Variants in IFNGR2 observed in about 807,000 individuals in gnomAD.
IFNGR2 encodes the protein interferon gamma receptor 2, also known as IFN-gamma receptor 2.
Under a neutral mutation model 41.1 loss-of-function variants are expected in IFNGR2, and 15 were observed. The ratio of observed to expected loss-of-function variants is 0.37; its 90% confidence interval spans 0.24 to 0.56. The LOEUF is 0.56. Ranked by LOEUF, IFNGR2 falls within the 20% of genes least tolerant of loss-of-function variation. The probability of loss-of-function intolerance (pLI) is 0.81; values close to 1 mark genes in which losing one functional copy is unlikely to be tolerated. For missense variants in IFNGR2, 362 were observed against 415.7 expected, an observed-to-expected ratio of 0.87 and a Z score of 1.12; for synonymous variants, 161 against 171.6, an observed-to-expected ratio of 0.94 and a Z score of 0.48.
intron 1 of IFNGR2, among the ~76,000 whole-genome samples, chr21:33,407,626 C>T (rs1028264805): frequency 2.0e-5 from 3 of 152,188 alleles, no homozygotes; most frequent in African/African-American, 4.8e-5. Flanking sequence ...GACGGAGTCT[C>T]GCCCTGATGC....
intron 4 of IFNGR2, among the ~76,000 whole-genome samples, chr21:33,429,187 T>C (rs1183470866): frequency 6.6e-6 from 1 of 152,180 alleles, no homozygotes; most frequent in African/African-American, 2.4e-5. Context: ...CCAGAGCATC[T>C]GTACTTGGCT....
intron 4 of IFNGR2, among the ~76,000 whole-genome samples, chr21:33,428,497 A>G: frequency 6.6e-6 from 1 of 152,000 alleles, no homozygotes; most frequent in African/African-American, 2.4e-5. Flanking sequence ...AAAAGTGCTG[A>G]GGTTACAGGC....
chr21:33,433,592 G>A (rs1290933682), intron 6 of IFNGR2, among the ~76,000 whole-genome samples: 6 of 152,102 alleles, frequency 3.9e-5, no homozygotes, highest in African/African-American at 1.4e-4. Context: ...TAGAATGGTG[G>A]TTGCGGTGGT....
At chr21:33,431,140 T>TTTTAG (rs2083882658) in intron 4 of IFNGR2, among the ~76,000 whole-genome samples, 1 of 152,142 alleles carries the variant, frequency 6.6e-6, no homozygotes. Flanking sequence ...ATCCTTAAGG[T>TTTTAG]CATTTTAGCT....
chr21:33,423,191 C>A (rs1266299971), intron 3 of IFNGR2, among the ~76,000 whole-genome samples: 1 of 151,402 alleles, frequency 6.6e-6, no homozygotes, highest in East Asian at 2.0e-4. Flanking sequence ...AGGCGCCCGC[C>A]ACCACACCCG....
Position 33,403,427 on chromosome 21 carries a change from GGCGGGCCCT to G in IFNGR2, c.-113_-105del. 1 of 475,560 alleles carries G rather than the reference GGCGGGCCCT, an allele frequency of 2.1e-6. No individual in the cohort carries two copies. Among genetic ancestry groups the G allele is most frequent in the Non-Finnish European group, 2.9e-6 (1 of 348,302 alleles). The allele number at this position is 475,560 out of a possible 1,614,324, so 29.5% of individuals were successfully genotyped here. ...GACGCCCCGCTGCTGCTCGGGAAGA[GGCGGGCCCT>G]GCGCGCCCTGCGCTCGCCATGGCGG... On this transcript the variant is annotated 5_prime_UTR_variant, in exon 1 of 7. Coordinates refer to ENST00000290219, the MANE Select transcript of IFNGR2 (RefSeq NM_005534.4).
intron 3 of IFNGR2, among the ~76,000 whole-genome samples, chr21:33,424,176 C>T (rs949032461): frequency 6.6e-6 from 1 of 152,012 alleles, no homozygotes; most frequent in Admixed American, 6.6e-5. Flanking sequence ...TGGCACACGA[C>T]TGTAATCCCA....
intron 1 of IFNGR2, among the ~76,000 whole-genome samples, chr21:33,413,100 C>T (rs1212843798): frequency 6.6e-6 from 1 of 152,178 alleles, no homozygotes; most frequent in Non-Finnish European, 1.5e-5. Flanking sequence ...GGATGCTATT[C>T]AGATCTGTCT....
rs1224896268 is a variant in IFNGR2, at chr21:33,421,661, C to G, written c.388C>G (p.Pro130Ala). The G allele has an allele frequency of 6.2e-7, 1 of 1,613,892 alleles. No individual in the cohort carries two copies. The highest frequency in any genetic ancestry group is 8.5e-7 in the Non-Finnish European group (1 of 1,179,764). ...ACTCCATTCTGCCTGGGTGACAATG[C>G]CTTGGTTTCAACACTATCGGAATGG... ...GALHSAWVTM[P>A]WFQHYRNVTV... Residue 130 changes from proline to alanine, a missense_variant, in exon 3 of 7, where the codon CCT (proline) becomes GCT (alanine). Physicochemically the swap from Pro to Ala is conservative, Grantham distance 27. Coordinates refer to ENST00000290219, the MANE Select transcript of IFNGR2 (RefSeq NM_005534.4).
intron 3 of IFNGR2, 58 bp from the exon 4 acceptor site, chr21:33,426,826 T>C: frequency 7.9e-7 from 1 of 1,262,320 alleles, no homozygotes; most frequent in Admixed American, 1.7e-5. Context: ...ATACATTGTA[T>C]TATATCTATA....
chr21:33,423,172 T>TG (rs1310111104), intron 3 of IFNGR2, among the ~76,000 whole-genome samples: 1 of 150,058 alleles, frequency 6.7e-6, no homozygotes, highest in Non-Finnish European at 1.5e-5. Context: ...CCCGAGTAGC[T>TG]GGGACTACAG....
intron 4 of IFNGR2, among the ~76,000 whole-genome samples, chr21:33,431,576 AAAAG>A (rs1305274607): frequency 3.9e-5 from 6 of 152,214 alleles, no homozygotes; most frequent in Admixed American, 3.3e-4. Flanking sequence ...CTCAAAAAAA[AAAAG>A]AAATACAAAA....
chr21:33,429,658 T>C (rs2083869219), intron 4 of IFNGR2, among the ~76,000 whole-genome samples: 1 of 152,134 alleles, frequency 6.6e-6, no homozygotes, highest in African/African-American at 2.4e-5. Flanking sequence ...GGGAGGCTTA[T>C]GAGAGACCCA....
At chr21:33,411,048 C>T (rs2083712072) in intron 1 of IFNGR2, among the ~76,000 whole-genome samples, 2 of 152,224 alleles carry the variant, frequency 1.3e-5, no homozygotes, top group South Asian at 2.1e-4. Flanking sequence ...CCCTGGCCTA[C>T]AAAAAGGACA....
chr21:33,421,806 G>A, intron 3 of IFNGR2, 121 bp downstream of exon 3: 3 of 831,798 alleles, frequency 3.6e-6, no homozygotes, highest in East Asian at 2.5e-5. Flanking sequence ...AAATGGGTAG[G>A]ACAGTCAAAC....
At chr21:33,432,411 T>TA in intron 5 of IFNGR2, 75 bp downstream of exon 5, 1 of 1,403,432 alleles carries the variant, frequency 7.1e-7, no homozygotes, top group South Asian at 1.2e-5. Context: ...GGGGAATGCT[T>TA]ATGAGGTCAT....
intron 1 of IFNGR2, among the ~76,000 whole-genome samples, chr21:33,408,898 G>T (rs1019041926): frequency 2.6e-5 from 4 of 152,178 alleles, no homozygotes; most frequent in Non-Finnish European, 5.9e-5. Flanking sequence ...AGAAGAAAAG[G>T]CCAGGTGTGG....
intron 1 of IFNGR2, among the ~76,000 whole-genome samples, chr21:33,410,649 G>A (rs2083709123): frequency 6.6e-6 from 1 of 151,932 alleles, no homozygotes; most frequent in Admixed American, 6.6e-5. Context: ...TGTATTTTTA[G>A]TAGAGACGGG....
At chr21:33,406,231 C>G (rs1043351018) in intron 1 of IFNGR2, among the ~76,000 whole-genome samples, 1 of 151,738 alleles carries the variant, frequency 6.6e-6, no homozygotes, top group African/African-American at 2.4e-5. Flanking sequence ...CGAAAATTAC[C>G]CGGGCGTGGT....
Sources: allele counts gnomAD v4.1 joint callset (sites outside exome capture counted in the v4.1 genomes callset), GRCh38; gene constraint gnomAD v4.1.1; transcripts MANE v1.5; gene names NCBI Gene and HGNC (gene_info 2026-07-23, HGNC 2026-07-21).